TSPAN9: variants seen among roughly 807,000 people sequenced by gnomAD.
TSPAN9 encodes the protein tetraspanin 9, also known as tetraspanin-9.
A neutral mutation model predicts 31.0 loss-of-function variants in TSPAN9; 16 were observed. The observed-to-expected ratio is 0.52, with a 90% CI of 0.35 to 0.78. The LOEUF (loss-of-function observed/expected upper bound fraction) is 0.78, where lower values mean the gene tolerates loss of function less well. Among genes scored for constraint, TSPAN9 ranks in the 30% least tolerant of loss-of-function variants. The pLI, the probability that TSPAN9 is intolerant of heterozygous loss-of-function variation, is 0.01. For synonymous variants in TSPAN9, 145 were observed against 121.6 expected (o/e 1.19, Z -1.27); for missense variants, 272 against 312.5 (o/e 0.87, Z 0.98).
chr12:3,164,195 G>C (rs560415140), intron 2 of TSPAN9, among the ~76,000 whole-genome samples: 2 of 152,196 alleles, frequency 1.3e-5, no homozygotes, highest in Non-Finnish European at 2.9e-5. Context: ...AGGTGCTTTC[G>C]TATGAGTTTT....
chr12:3,109,164 CT>C (rs2098316567), intron 2 of TSPAN9, among the ~76,000 whole-genome samples: 1 of 151,796 alleles, frequency 6.6e-6, no homozygotes, highest in South Asian at 2.1e-4. Flanking sequence ...TCTCGATCTC[CT>C]GACCTCGTGA....
chr12:3,255,469 C>G (rs1862328345), intron 3 of TSPAN9, among the ~76,000 whole-genome samples: 1 of 143,646 alleles, frequency 7.0e-6, no homozygotes. Context: ...AAACTTTTCT[C>G]CAGCACTTTC....
At chr12:3,158,001 C>G (rs2098343127) in intron 2 of TSPAN9, among the ~76,000 whole-genome samples, 1 of 152,042 alleles carries the variant, frequency 6.6e-6, no homozygotes, top group Non-Finnish European at 1.5e-5. Context: ...CCTTTATCTA[C>G]TAAAAAAAAA....
intron 2 of TSPAN9, among the ~76,000 whole-genome samples, chr12:3,111,606 T>C (rs2098318733): frequency 3.1e-5 from 4 of 130,198 alleles, no homozygotes; most frequent in Non-Finnish European, 6.4e-5. Context: ...GTGCATTACC[T>C]TTTTTTTTTT....
chr12:3,212,743 G>A (rs1418397498), intron 3 of TSPAN9, among the ~76,000 whole-genome samples: 1 of 152,202 alleles, frequency 6.6e-6, no homozygotes, highest in Non-Finnish European at 1.5e-5. Flanking sequence ...GTGAGCACCA[G>A]GTATGGTGCT....
At chr12:3,202,323 C>CT (rs1163231169) in intron 3 of TSPAN9, among the ~76,000 whole-genome samples, 2 of 152,184 alleles carry the variant, frequency 1.3e-5, no homozygotes, top group East Asian at 3.9e-4. Context: ...AGGAGGAGCA[C>CT]TGGGGGCAGG....
At chr12:3,223,540 T>G (rs930836627) in intron 3 of TSPAN9, among the ~76,000 whole-genome samples, 77 of 152,240 alleles carry the variant, frequency 5.1e-4, no homozygotes, top group African/African-American at 1.7e-3. Flanking sequence ...AAGACCGTCC[T>G]GCAGTACTGC....
At chr12:3,155,843 GCC>G (rs1281210487) in intron 2 of TSPAN9, among the ~76,000 whole-genome samples, 1 of 152,142 alleles carries the variant, frequency 6.6e-6, no homozygotes, top group Non-Finnish European at 1.5e-5. Context: ...AGTTGCCAGG[GCC>G]CCCTCTTCCT....
At chr12:3,176,674 A>G (rs542802947) in intron 2 of TSPAN9, among the ~76,000 whole-genome samples, 2 of 152,318 alleles carry the variant, frequency 1.3e-5, no homozygotes, top group South Asian at 4.1e-4. Context: ...CTCAGACTCT[A>G]TTCTGGGCCC....
intron 2 of TSPAN9, among the ~76,000 whole-genome samples, chr12:3,118,262 T>TTTTTA (rs2098323458): frequency 1.2e-5 from 1 of 85,434 alleles, no homozygotes; most frequent in Non-Finnish European, 2.2e-5. Flanking sequence ...CGCCGTTTTT[T>TTTTTA]TTTTTTTTTT....
intron 2 of TSPAN9, chr12:3,173,834 T>TCCTCCTTC (rs1565602000): frequency 5.3e-5 from 8 of 152,252 alleles, no homozygotes; most frequent in Non-Finnish European, 1.0e-4. Flanking sequence ...CTTTCTGTCT[T>TCCTCCTTC]CCTCCCTCCC....
Position 3,107,684 on chromosome 12 carries a change from C to G in TSPAN9, c.-18+23965C>G, listed in dbSNP as rs970587244. ...ACCTTTAGGTCACGCCCAGAGACAG[C>G]CTTTTGCTTCAGTGTCCTCATTCTT... On this transcript the variant is annotated intron_variant, in intron 2 of 8. Transcript: ENST00000011898. The surrounding 1 kb of genome is among the most constrained non-coding windows in gnomAD (Gnocchi z 4.1). 2.6e-5 allele frequency among the ~76,000 whole-genome samples: 4 copies of G among 152,196 alleles called. No homozygotes were observed. The highest frequency in any genetic ancestry group is 9.7e-5 in the African/African-American group (4 of 41,442).
At chr12:3,209,815 C>T (rs977337685) in intron 3 of TSPAN9, among the ~76,000 whole-genome samples, 66 of 152,038 alleles carry the variant, frequency 4.3e-4, no homozygotes, top group Non-Finnish European at 6.9e-4. Flanking sequence ...AAAAATTAGC[C>T]GGGCGCGGTG....
chr12:3,280,112 C>T lies in TSPAN9; in HGVS notation c.331-270C>T, dbSNP rs926696638. ...TGTGTTTTTTTGCCTCTGGGTGTTA[C>T]AGCCCTGGCCCTGAGTTTAGCTCTG... is the stretch of plus-strand genomic sequence containing the variant. On this transcript the variant is annotated intron_variant, in intron 5 of 8. Coordinates refer to ENST00000011898, the MANE Select transcript of TSPAN9 (RefSeq NM_006675.5). This position sits in a 1 kb window ranked among gnomAD's most constrained non-coding sequence, Gnocchi z 4.5. 1.8e-4 allele frequency among the ~76,000 whole-genome samples: 28 copies of T among 152,188 alleles called. No individual in the cohort carries two copies. Among genetic ancestry groups the T allele is most frequent in the African/African-American group, 6.7e-4 (28 of 41,512 alleles).
chr12:3,144,076 C>G (rs768095686), intron 2 of TSPAN9, among the ~76,000 whole-genome samples: 6 of 151,390 alleles, frequency 4.0e-5, no homozygotes, highest in Non-Finnish European at 8.8e-5. Flanking sequence ...CGAGTGTGTG[C>G]TGATATATTT....
chr12:3,142,357 T>C (rs977584139), intron 2 of TSPAN9, among the ~76,000 whole-genome samples: 3 of 152,160 alleles, frequency 2.0e-5, no homozygotes, highest in Non-Finnish European at 4.4e-5. Context: ...GGAAACTGAA[T>C]GGGGCTCACG....
Position 3,107,428 on chromosome 12 carries a change from G to A in TSPAN9, c.-18+23709G>A, listed in dbSNP as rs1197117642. Among the ~76,000 whole-genome samples the A allele has an allele frequency of 2.6e-5, 4 of 152,166 alleles. No individual in the cohort carries two copies. Among genetic ancestry groups the A allele is most frequent in the Non-Finnish European group, 4.4e-5 (3 of 68,026 alleles). On this transcript the variant is annotated intron_variant, in intron 2 of 8. Transcript: ENST00000011898. The surrounding 1 kb of genome is among the most constrained non-coding windows in gnomAD (Gnocchi z 4.1). ...CCTGATGGGTTGACTCAGGGCCTTC[G>A]TTCCCAGTCTTTGGGCCTGGGATCT...
chr12:3,144,641 G>A (rs910014918), intron 2 of TSPAN9, among the ~76,000 whole-genome samples: 5 of 152,304 alleles, frequency 3.3e-5, no homozygotes, highest in Admixed American at 6.5e-5. Flanking sequence ...TCCCAGCTCG[G>A]GGTACTTTGC....
intron 3 of TSPAN9, among the ~76,000 whole-genome samples, chr12:3,221,903 A>G (rs1219926181): frequency 3.9e-5 from 6 of 152,190 alleles, no homozygotes; most frequent in African/African-American, 1.4e-4. Flanking sequence ...TGGCCTTCCA[A>G]AGTGCTAGGA....
Sources: allele counts gnomAD v4.1 joint callset (sites outside exome capture counted in the v4.1 genomes callset), GRCh38; gene constraint gnomAD v4.1.1; non-coding constraint Gnocchi (gnomAD v3.1); transcripts MANE v1.5; gene names NCBI Gene and HGNC (gene_info 2026-07-23, HGNC 2026-07-21).